The following STXBP5L variants were observed in gnomAD, a reference collection of about 807,000 sequenced individuals.
STXBP5L encodes syntaxin binding protein 5L, also known as syntaxin-binding protein 5-like.
STXBP5L carries 65 observed loss-of-function variants against 144.5 expected under a neutral mutation model. That is an observed-to-expected ratio of 0.45 (90% confidence interval 0.37 to 0.55). The LOEUF is 0.55. Among genes scored for constraint, STXBP5L ranks in the 20% least tolerant of loss-of-function variants. The pLI is 0.00. For missense variants in STXBP5L, 1,298 were observed against 1,405.5 expected (o/e 0.92, Z 1.22); for synonymous variants, 505 against 469.6 (o/e 1.08, Z -0.97).
chr3:121,365,513 G>T (rs2045839713), intron 20 of STXBP5L, among the ~76,000 whole-genome samples: 1 of 151,354 alleles, frequency 6.6e-6, no homozygotes, highest in African/African-American at 2.4e-5. Context: ...CAAGTTTTGT[G>T]TTTCAGGAAT....
intron 10 of STXBP5L, among the ~76,000 whole-genome samples, chr3:121,216,492 G>T (rs986831836): frequency 2.0e-5 from 3 of 152,164 alleles, no homozygotes; most frequent in African/African-American, 4.8e-5. Flanking sequence ...GACCCTCTTT[G>T]CCTGGTTATC....
intron 19 of STXBP5L, among the ~76,000 whole-genome samples, chr3:121,281,051 A>G (rs145459688): frequency 1.1e-4 from 16 of 151,922 alleles, no homozygotes; most frequent in Admixed American, 2.0e-4. Context: ...TAAAAAATAA[A>G]AAAGGTACAT....
chr3:121,268,263 A>T (rs930837781), intron 18 of STXBP5L, among the ~76,000 whole-genome samples: 2 of 152,230 alleles, frequency 1.3e-5, no homozygotes, highest in Non-Finnish European at 2.9e-5. Flanking sequence ...TTGCAGGGAC[A>T]TGGATGAAGC....
At chr3:121,105,200 A>T (rs2043636583) in intron 5 of STXBP5L, among the ~76,000 whole-genome samples, 1 of 152,114 alleles carries the variant, frequency 6.6e-6, no homozygotes, top group Non-Finnish European at 1.5e-5. Context: ...GATGGAGACC[A>T]TCCTGGCCAA....
chr3:120,914,874 T>A (rs1709028229), intron 2 of STXBP5L, among the ~76,000 whole-genome samples: 1 of 152,154 alleles, frequency 6.6e-6, no homozygotes, highest in South Asian at 2.1e-4. Context: ...AAAGATTTTT[T>A]TTTCTTTTAA....
intron 20 of STXBP5L, among the ~76,000 whole-genome samples, chr3:121,348,703 G>A (rs2108604853): frequency 6.6e-6 from 1 of 152,108 alleles, no homozygotes; most frequent in Non-Finnish European, 1.5e-5. Context: ...TATGTGTCGA[G>A]GAATTTATCC....
intron 9 of STXBP5L, among the ~76,000 whole-genome samples, chr3:121,162,884 A>G (rs927176083): frequency 2.6e-5 from 4 of 152,188 alleles, no homozygotes; most frequent in African/African-American, 9.7e-5. Flanking sequence ...ACCATCTCAC[A>G]CCAATTAGAA....
chr3:121,116,307 A>C (rs2107832846), intron 6 of STXBP5L, among the ~76,000 whole-genome samples: 1 of 152,244 alleles, frequency 6.6e-6, no homozygotes, highest in South Asian at 2.1e-4. Context: ...TTGACGCTGG[A>C]AATAAATATT....
Position 121,422,481 on chromosome 3 carries a change from A to G in STXBP5L, c.*3384A>G, listed in dbSNP as rs1445006654. On this transcript the variant is annotated 3_prime_UTR_variant, in exon 27 of 27. Coordinates refer to ENST00000471454, the MANE Select transcript of STXBP5L (RefSeq NM_001308330.2). The stretch of plus-strand genomic sequence containing the variant: ...GCTAGAGGTATTTGTTTCCCTGATA[A>G]TAACGTGAGCAATAGTCCCTACCTT... The G allele has an allele frequency of 6.6e-6, 1 of 152,172 alleles. No individual in the cohort carries two copies. The highest frequency in any genetic ancestry group is 1.5e-5 in the Non-Finnish European group (1 of 68,020). The allele number at this position is 152,172 out of a possible 1,614,324, so 9.4% of individuals were successfully genotyped here.
At chr3:120,988,799 A>T (rs924605098) in intron 3 of STXBP5L, among the ~76,000 whole-genome samples, 1 of 152,024 alleles carries the variant, frequency 6.6e-6, no homozygotes, top group Non-Finnish European at 1.5e-5. Flanking sequence ...GTCATTTATC[A>T]TCCCTCTCCC....
At chr3:121,147,862 A>C (rs971675128) in intron 7 of STXBP5L, among the ~76,000 whole-genome samples, 7 of 152,100 alleles carry the variant, frequency 4.6e-5, no homozygotes, top group Non-Finnish European at 1.0e-4. Flanking sequence ...TTTTGAACTG[A>C]GACATCAGCT....
chr3:121,343,046 T>G (rs1266716825), intron 20 of STXBP5L, among the ~76,000 whole-genome samples: 2 of 152,020 alleles, frequency 1.3e-5, no homozygotes, highest in African/African-American at 2.4e-5. Flanking sequence ...ATTCTAACTG[T>G]TGTGAAATGG....
chr3:121,380,579 C>A (rs947056636), intron 21 of STXBP5L, among the ~76,000 whole-genome samples: 2 of 151,822 alleles, frequency 1.3e-5, no homozygotes, highest in East Asian at 3.9e-4. Flanking sequence ...GAGAGGAGAA[C>A]CTGAAACCAT....
At chr3:120,977,440 C>G (rs1306278820) in intron 3 of STXBP5L, among the ~76,000 whole-genome samples, 1 of 152,144 alleles carries the variant, frequency 6.6e-6, no homozygotes, top group Non-Finnish European at 1.5e-5. Context: ...ATATCTGTCT[C>G]TGCACGTGAG....
At chr3:121,273,300 T>G (rs993549047) in intron 18 of STXBP5L, among the ~76,000 whole-genome samples, 1 of 145,314 alleles carries the variant, frequency 6.9e-6, no homozygotes, top group Admixed American at 6.9e-5. Flanking sequence ...TGGATGGCAG[T>G]TTTTTTTTTT....
chr3:121,220,296 A>C (rs1310152831), intron 10 of STXBP5L, among the ~76,000 whole-genome samples: 2 of 152,116 alleles, frequency 1.3e-5, no homozygotes, highest in Non-Finnish European at 2.9e-5. Flanking sequence ...TTATGTATCC[A>C]TAATTTGTTA....
chr3:120,935,920 T>G (rs1422790290), intron 2 of STXBP5L, among the ~76,000 whole-genome samples: 1 of 152,182 alleles, frequency 6.6e-6, no homozygotes, highest in Non-Finnish European at 1.5e-5. Flanking sequence ...TCGTTAATTT[T>G]GGGAAATTCT....
intron 5 of STXBP5L, among the ~76,000 whole-genome samples, chr3:121,094,969 TG>T (rs1245220667): frequency 6.6e-6 from 1 of 152,144 alleles, no homozygotes; most frequent in Non-Finnish European, 1.5e-5. Flanking sequence ...GCAGGCCTGG[TG>T]GTGACAAAAT....
chr3:120,969,235 G>A (rs1256022966), intron 3 of STXBP5L, among the ~76,000 whole-genome samples: 1 of 151,554 alleles, frequency 6.6e-6, no homozygotes, highest in Non-Finnish European at 1.5e-5. Context: ...TTATAGCCAT[G>A]CTTGCAGGAG....
Sources: gnomAD v4.1 joint callset for allele counts (sites outside exome capture counted in the v4.1 genomes callset) on GRCh38, gnomAD v4.1.1 for gene constraint, MANE v1.5 for transcripts, NCBI Gene and HGNC (gene_info 2026-07-23, HGNC 2026-07-21) for gene names.